Variants in LRRC9 observed in about 807,000 individuals in gnomAD.
LRRC9 encodes leucine rich repeat containing 9, also known as leucine-rich repeat-containing protein 9.
LRRC9 carries 122 observed loss-of-function variants against 63.2 expected under a neutral mutation model. That is an observed-to-expected ratio of 1.93 (90% CI 1.67 to 2.24). The LOEUF is 2.24. Ranked by LOEUF, LRRC9 falls within the 30% of genes most tolerant of loss-of-function variation. The pLI is 0.00. For synonymous variants in LRRC9, 366 were observed against 213.1 expected (o/e 1.72, Z -6.25); for missense variants, 1,071 against 627.7 (o/e 1.71, Z -7.55).
At chr14:60,001,880 TC>T (rs1210125151) in intron 19 of LRRC9, 85 bp from the exon 20 acceptor site, 3 of 439,114 alleles carry the variant, frequency 6.8e-6, no homozygotes, top group Non-Finnish European at 1.2e-5. Flanking sequence ...CCACTCATCT[TC>T]CCTGGAAACA....
intron 27 of LRRC9, among the ~76,000 whole-genome samples, chr14:60,023,301 C>T (rs1891258964): frequency 6.6e-6 from 1 of 151,918 alleles, no homozygotes; most frequent in Non-Finnish European, 1.5e-5. Flanking sequence ...GAAGTTCAGA[C>T]TATGTATTAC....
At chr14:59,947,833 T>C (rs973187482) in intron 8 of LRRC9, among the ~76,000 whole-genome samples, 26 of 151,096 alleles carry the variant, frequency 1.7e-4, no homozygotes, top group Non-Finnish European at 3.3e-4. Flanking sequence ...AGCGGCGTTA[T>C]TTCTGAGGGC....
intron 29 of LRRC9, among the ~76,000 whole-genome samples, chr14:60,048,851 G>A (rs2062797603): frequency 6.6e-6 from 1 of 152,130 alleles, no homozygotes; most frequent in Non-Finnish European, 1.5e-5. Flanking sequence ...AAAACTTCAG[G>A]CCACTATCTC....
At chr14:60,059,957 TA>T (rs1176000179) in intron 31 of LRRC9, among the ~76,000 whole-genome samples, 4 of 152,206 alleles carry the variant, frequency 2.6e-5, no homozygotes, top group African/African-American at 9.6e-5. Flanking sequence ...AGGACCTTCA[TA>T]GCTAGAGAGG....
At chr14:60,035,304 CTTTACTTTGTTGATTA>C (rs1287968540) in intron 29 of LRRC9, among the ~76,000 whole-genome samples, 2 of 152,010 alleles carry the variant, frequency 1.3e-5, no homozygotes, top group Non-Finnish European at 2.9e-5. Context: ...TGGGTTGTAG[CTTTACTTTGTTGATTA>C]TTTACTTTGC....
chr14:59,991,678 A>G lies in LRRC9; in HGVS notation c.2212-5978A>G, dbSNP rs149709479. 7.0e-3 allele frequency among the ~76,000 whole-genome samples: 1,068 copies of G among 151,902 alleles called. 15 individuals are homozygous for G. Among genetic ancestry groups the G allele is most frequent in the African/African-American group, 0.025 (1,040 of 41,366 alleles). ...CACACCAGGAGATTATATCCCGCGC[A>G]TAGCTCGGAGGGTCCTACGCCCATG... On this transcript the variant is annotated intron_variant, in intron 17 of 31. Transcript: ENST00000445360.
At chr14:59,956,538 C>T (rs142718196) in intron 8 of LRRC9, among the ~76,000 whole-genome samples, 3,122 of 152,194 alleles carry the variant, frequency 0.021, 126 homozygotes, top group East Asian at 0.18. Flanking sequence ...TGTCTTTGCA[C>T]GTGAGAGGGG....
chr14:59,922,216 G>A lies in LRRC9; in HGVS notation c.-34+2333G>A, dbSNP rs949036772. ...AGAAGAAAACGTGAAGAAGAGAGTC[G>A]TCAGCATTGTCAAATGCCATGTCAA... On this transcript the variant is annotated intron_variant, in intron 1 of 31. Transcript: ENST00000445360. This position sits in a 1 kb window ranked among gnomAD's most constrained non-coding sequence, Gnocchi z 5.3. 1.3e-5 allele frequency among the ~76,000 whole-genome samples: 2 copies of A among 152,112 alleles called. No individual in the cohort carries two copies. Among genetic ancestry groups the A allele is most frequent in the African/African-American group, 2.4e-5 (1 of 41,420 alleles).
Position 59,927,693 on chromosome 14 carries a change from A to G in LRRC9, c.-33-218A>G, listed in dbSNP as rs1002042135. On this transcript the variant is annotated intron_variant, in intron 1 of 31. Transcript: ENST00000445360. This position sits in a 1 kb window ranked among gnomAD's most constrained non-coding sequence, Gnocchi z 4.4. ...ATACCGAGGAGGTATACTGACAACA[A>G]AAGGGAAGGAATTATGGAGAGAGAG... 1.3e-5 allele frequency among the ~76,000 whole-genome samples: 2 copies of G among 151,936 alleles called. No homozygotes were observed. The highest frequency in any genetic ancestry group is 6.6e-5 in the Admixed American group (1 of 15,240).
intron 17 of LRRC9, among the ~76,000 whole-genome samples, chr14:59,995,542 T>C (rs890556628): frequency 1.3e-5 from 2 of 152,336 alleles, no homozygotes; most frequent in Admixed American, 6.5e-5. Context: ...TAAGTTGTAC[T>C]GTACTGTACT....
chr14:60,008,041 T>C lies in LRRC9; in HGVS notation c.3064-51T>C, dbSNP rs2140235140. 3 of 557,366 alleles carry C rather than the reference T, an allele frequency of 5.4e-6. No homozygotes were observed. In the East Asian group the frequency reaches 9.5e-5, roughly 18 times the overall value. The allele number at this position is 557,366 out of a possible 1,614,324, so 34.5% of individuals were successfully genotyped here. A position where few individuals can be genotyped will look rare whatever the true frequency, so the allele number is the denominator to read the frequency against. ...AATTTGAGGATGGCTAACCTCTTAC[T>C]AGAGTGCTTTAAATATACATATAGA... On this transcript the variant is annotated intron_variant, in intron 22 of 31. Coordinates refer to ENST00000445360, the Ensembl canonical transcript of LRRC9.
At position 59,944,356 on chromosome 14, in the gene LRRC9, C is replaced by T. The variant is rs1435296023; in HGVS notation, c.727-233C>T. Among the ~76,000 whole-genome samples the T allele has an allele frequency of 5.3e-5, 8 of 151,860 alleles. No homozygotes were observed. In the East Asian group the frequency reaches 5.8e-4, roughly 11 times the overall value. ...GTTATCCTGGAAATAAATGTGAATACGCCTCACACTTTATGCCTCACAAAG... is the reference window on the plus strand; with the variant it reads ...GTTATCCTGGAAATAAATGTGAATATGCCTCACACTTTATGCCTCACAAAG... On this transcript the variant is annotated intron_variant, in intron 7 of 31. Transcript: ENST00000445360.
At chr14:59,994,077 A>C (rs1421991215) in intron 17 of LRRC9, among the ~76,000 whole-genome samples, 1 of 152,204 alleles carries the variant, frequency 6.6e-6, no homozygotes, top group African/African-American at 2.4e-5. Flanking sequence ...AGCACTCCTC[A>C]GCAAATGTAA....
chr14:60,006,443 T>C lies in LRRC9; in HGVS notation c.2889T>C (p.Asn963=). ...TAACTCGCCTCAGCATAAATAATAA[T>C]CTTCTCACTGGTTGGGAAGAGCATA... The change falls in exon 22 of 32, where the codon AAT becomes AAC. Residue 963 remains asparagine, a synonymous_variant. Transcript: ENST00000445360. The C allele has an allele frequency of 4.3e-6, 3 of 700,854 alleles. 1 individual carries two copies. The highest frequency in any genetic ancestry group is 4.6e-4 in the Middle Eastern group (2 of 4,350). The allele number at this position is 700,854 out of a possible 1,614,324, so 43.4% of individuals were successfully genotyped here.
intron 6 of LRRC9, among the ~76,000 whole-genome samples, chr14:59,935,562 C>G (rs1460717108): frequency 6.6e-6 from 1 of 152,106 alleles, no homozygotes; most frequent in African/African-American, 2.4e-5. Flanking sequence ...GTGCATAAAG[C>G]TTTATACTTA....
At chr14:60,064,754 C>T (rs1894841048), downstream of LRRC9, among the ~76,000 whole-genome samples, 1 of 152,138 alleles carries the variant, frequency 6.6e-6, no homozygotes, top group African/African-American at 2.4e-5. Flanking sequence ...GTCTACTCTT[C>T]ACTATTTATT....
At chr14:59,979,567 G>A (rs1353440489) in intron 15 of LRRC9, among the ~76,000 whole-genome samples, 2 of 151,944 alleles carry the variant, frequency 1.3e-5, no homozygotes, top group African/African-American at 2.4e-5. Context: ...AGTAGAGATC[G>A]CGCCACGGCA....
intron 18 of LRRC9, 94 bp from the exon 19 acceptor site, chr14:59,999,007 A>G (rs1889090238): frequency 5.8e-6 from 3 of 521,630 alleles, no homozygotes; most frequent in Non-Finnish European, 1.0e-5. Flanking sequence ...GAAATGTATG[A>G]TTTTGAATTA....
intron 31 of LRRC9, among the ~76,000 whole-genome samples, chr14:60,059,547 C>T (rs148868343): frequency 3.8e-4 from 58 of 152,268 alleles, no homozygotes; most frequent in Non-Finnish European, 8.1e-4. Flanking sequence ...ATTAAAAATG[C>T]GACTCCAAGG....
Sources: allele counts gnomAD v4.1 joint callset (sites outside exome capture counted in the v4.1 genomes callset), GRCh38; gene constraint gnomAD v4.1.1; non-coding constraint Gnocchi (gnomAD v3.1); transcripts MANE v1.5; gene names NCBI Gene and HGNC (gene_info 2026-07-23, HGNC 2026-07-21).